CNTNAP2: variants seen among roughly 807,000 people sequenced by gnomAD.
The protein encoded by CNTNAP2 is contactin associated protein 2.
In CNTNAP2, 98 loss-of-function variants were observed where a neutral mutation model predicts 155.2. The ratio of observed to expected loss-of-function variants is 0.63; its 90% CI spans 0.54 to 0.75. CNTNAP2 has a LOEUF of 0.75. CNTNAP2 is among the 30% of genes least tolerant of loss of function. The pLI, the probability that CNTNAP2 is intolerant of heterozygous loss-of-function variation, is 0.00. For missense variants in CNTNAP2, 1,727 were observed against 1,688.1 expected (o/e 1.02, Z -0.40); for synonymous variants, 651 against 631.2 (o/e 1.03, Z -0.47).
intron 1 of CNTNAP2, among the ~76,000 whole-genome samples, chr7:146,315,592 G>A (rs184387985): frequency 3.2e-4 from 48 of 152,306 alleles, no homozygotes; most frequent in Non-Finnish European, 5.0e-4. Context: ...TCTGTGGGAG[G>A]AGGGAGCATC....
At chr7:146,942,105 T>C (rs919018012) in intron 3 of CNTNAP2, among the ~76,000 whole-genome samples, 1 of 152,146 alleles carries the variant, frequency 6.6e-6, no homozygotes, top group Non-Finnish European at 1.5e-5. Flanking sequence ...AATATTTCTC[T>C]TTCCTTTATT....
chr7:147,118,095 G>GA (rs966691610), intron 5 of CNTNAP2, among the ~76,000 whole-genome samples: 1 of 151,712 alleles, frequency 6.6e-6, no homozygotes, highest in Non-Finnish European at 1.5e-5. Context: ...ACTCATAAAA[G>GA]AAAAAAATAT....
At chr7:147,739,760 TA>T (rs1322958213) in intron 13 of CNTNAP2, among the ~76,000 whole-genome samples, 2 of 152,162 alleles carry the variant, frequency 1.3e-5, no homozygotes, top group Non-Finnish European at 2.9e-5. Flanking sequence ...ATTTCTATAA[TA>T]AAATGTATCA....
intron 1 of CNTNAP2, among the ~76,000 whole-genome samples, chr7:146,492,240 GGAGAGAGAGAGAGAGAGACA>G (rs1171936841): frequency 7.2e-6 from 1 of 139,004 alleles, no homozygotes; most frequent in African/African-American, 2.7e-5. Context: ...AGAGAGAGGG[GGAGAGAGAGAGAGAGAGACA>G]GAGAGAGAGA....
At chr7:146,463,555 TACAC>T (rs543741603) in intron 1 of CNTNAP2, among the ~76,000 whole-genome samples, 1 of 151,956 alleles carries the variant, frequency 6.6e-6, no homozygotes, top group Non-Finnish European at 1.5e-5. Context: ...ATATATATGA[TACAC>T]ACACACATAT....
chr7:147,586,836 G>A (rs746271635), intron 12 of CNTNAP2, among the ~76,000 whole-genome samples: 22 of 151,996 alleles, frequency 1.4e-4, no homozygotes, highest in Non-Finnish European at 2.9e-4. Context: ...TCTAATTCAT[G>A]CAAAGACACC....
chr7:146,134,172 A>C (rs1584765539), intron 1 of CNTNAP2, among the ~76,000 whole-genome samples: 1 of 152,108 alleles, frequency 6.6e-6, no homozygotes, highest in South Asian at 2.1e-4. Context: ...TTCTTTTTGA[A>C]GCAATTGTAA....
intron 1 of CNTNAP2, among the ~76,000 whole-genome samples, chr7:146,624,482 C>A (rs939138469): frequency 6.7e-6 from 1 of 150,050 alleles, no homozygotes. Context: ...CTTTTTTTAT[C>A]AACATTTCAA....
At chr7:147,206,409 A>T (rs1478560069) in intron 8 of CNTNAP2, among the ~76,000 whole-genome samples, 1 of 152,164 alleles carries the variant, frequency 6.6e-6, no homozygotes, top group South Asian at 2.1e-4. Context: ...CTAAAAATAC[A>T]AAATTTAGCC....
intron 11 of CNTNAP2, among the ~76,000 whole-genome samples, chr7:147,510,268 T>A (rs770228028): frequency 1.1e-3 from 163 of 152,346 alleles, no homozygotes; most frequent in Non-Finnish European, 1.7e-3. Context: ...CAGTATTTAG[T>A]GGCCTTTTAC....
chr7:146,827,500 C>CTT (rs768738396), intron 2 of CNTNAP2, among the ~76,000 whole-genome samples: 3 of 141,864 alleles, frequency 2.1e-5, no homozygotes, highest in Admixed American at 7.1e-5. Context: ...AATGTTTTTA[C>CTT]TTTTTTTTTT....
rs1024607081 is a variant in CNTNAP2, at chr7:146,299,108, C to T, written c.97+182135C>T. On this transcript the variant is annotated intron_variant, in intron 1 of 23. Transcript: ENST00000361727. Reference sequence around the variant, plus strand: ...CCAAGATGGTGAAACCCCATCTCTACTAAAAATACAAAATTAGCCAGGTGT... The same window carrying T: ...CCAAGATGGTGAAACCCCATCTCTATTAAAAATACAAAATTAGCCAGGTGT... 3.4e-4 allele frequency among the ~76,000 whole-genome samples: 51 copies of T among 152,010 alleles called. 1 individual carries two copies. The highest frequency in any genetic ancestry group is 1.2e-3 in the African/African-American group (51 of 41,488).
At chr7:146,553,581 T>C (rs1283861874) in intron 1 of CNTNAP2, among the ~76,000 whole-genome samples, 4 of 152,188 alleles carry the variant, frequency 2.6e-5, no homozygotes, top group African/African-American at 7.2e-5. Context: ...AAGGCCAATT[T>C]GCATTCTCTT....
intron 13 of CNTNAP2, among the ~76,000 whole-genome samples, chr7:147,880,681 T>C (rs1799504491): frequency 6.6e-6 from 1 of 151,286 alleles, no homozygotes; most frequent in African/African-American, 2.4e-5. Context: ...TCTCGGGACA[T>C]AGGTTAAGTG....
intron 1 of CNTNAP2, among the ~76,000 whole-genome samples, chr7:146,736,836 A>G (rs1458792788): frequency 2.0e-5 from 3 of 152,220 alleles, no homozygotes; most frequent in African/African-American, 7.2e-5. Context: ...GAAAAGTAAA[A>G]AAGTAACATT....
At chr7:146,927,891 A>G (rs1796639776) in intron 3 of CNTNAP2, among the ~76,000 whole-genome samples, 1 of 151,322 alleles carries the variant, frequency 6.6e-6, no homozygotes, top group Non-Finnish European at 1.5e-5. Flanking sequence ...TTCTATAGAG[A>G]GAGTGTGTGT....
chr7:148,304,940 G>T (rs900798035), intron 21 of CNTNAP2, among the ~76,000 whole-genome samples: 2 of 151,568 alleles, frequency 1.3e-5, no homozygotes, highest in African/African-American at 4.9e-5. Flanking sequence ...TTCCAGCCAG[G>T]CATGGTGGTT....
At chr7:147,555,429 T>C (rs1799933743) in intron 11 of CNTNAP2, among the ~76,000 whole-genome samples, 1 of 152,202 alleles carries the variant, frequency 6.6e-6, no homozygotes, top group Non-Finnish European at 1.5e-5. Context: ...TATGTACAAG[T>C]ATATAGTAAG....
At chr7:147,660,624 CTCAT>C (rs1795594796) in intron 13 of CNTNAP2, among the ~76,000 whole-genome samples, 1 of 152,202 alleles carries the variant, frequency 6.6e-6, no homozygotes, top group South Asian at 2.1e-4. Context: ...TGGCCATTCA[CTCAT>C]TCATTCTCTG....
Sources: allele counts gnomAD v4.1 joint callset (sites outside exome capture counted in the v4.1 genomes callset), GRCh38; gene constraint gnomAD v4.1.1; transcripts MANE v1.5; gene names NCBI Gene and HGNC (gene_info 2026-07-23, HGNC 2026-07-21).